ZBTB20: variants seen among roughly 807,000 people sequenced by gnomAD.
ZBTB20 encodes the protein zinc finger and BTB domain-containing protein 20.
ZBTB20 carries 9 observed loss-of-function variants against 56.9 expected under a neutral mutation model. The observed-to-expected ratio is 0.16, with a 90% CI of 0.10 to 0.28. The LOEUF (loss-of-function observed/expected upper bound fraction) is 0.28. Among genes scored for constraint, ZBTB20 ranks in the 10% least tolerant of loss-of-function variants. ZBTB20 has a pLI of 1.00. For missense variants in ZBTB20, 655 were observed against 1,003.0 expected (o/e 0.65, Z 4.69); for synonymous variants, 417 against 420.7 (o/e 0.99, Z 0.11).
chr3:114,772,415 C>T (rs1054501695), intron 5 of ZBTB20, among the ~76,000 whole-genome samples: 7 of 151,990 alleles, frequency 4.6e-5, no homozygotes, highest in Non-Finnish European at 8.8e-5. Context: ...ACTTCCTTTT[C>T]CCAGCTGGGC....
At chr3:114,464,331 G>A (rs1003617395) in intron 7 of ZBTB20, among the ~76,000 whole-genome samples, 2 of 152,128 alleles carry the variant, frequency 1.3e-5, no homozygotes. Flanking sequence ...AATTATAGAA[G>A]TGAATAGAAA....
intron 4 of ZBTB20, among the ~76,000 whole-genome samples, chr3:114,860,563 CA>C (rs1397106923): frequency 6.6e-6 from 1 of 152,176 alleles, no homozygotes; most frequent in Non-Finnish European, 1.5e-5. Flanking sequence ...AGATAGCCCT[CA>C]TACTCAATGC....
intron 6 of ZBTB20, among the ~76,000 whole-genome samples, chr3:114,545,211 A>G (rs2049728846): frequency 1.3e-5 from 2 of 152,218 alleles, no homozygotes; most frequent in South Asian, 4.1e-4. Context: ...ACCAGAGAAG[A>G]ATGATTTATG....
At chr3:114,622,437 A>G (rs2058383820) in intron 6 of ZBTB20, among the ~76,000 whole-genome samples, 1 of 152,208 alleles carries the variant, frequency 6.6e-6, no homozygotes, top group Non-Finnish European at 1.5e-5. Flanking sequence ...AACTTTTACC[A>G]TACTAGCCCT....
At chr3:114,508,756 A>G (rs1173268314) in intron 6 of ZBTB20, among the ~76,000 whole-genome samples, 1 of 152,136 alleles carries the variant, frequency 6.6e-6, no homozygotes, top group East Asian at 1.9e-4. Context: ...TTTGCAACCC[A>G]TTATTTCCAT....
chr3:114,422,399 T>C (rs997953559), intron 7 of ZBTB20, among the ~76,000 whole-genome samples: 6 of 152,102 alleles, frequency 3.9e-5, no homozygotes, highest in Non-Finnish European at 8.8e-5. Context: ...AAGTATATTT[T>C]GTGAATATAC....
chr3:114,680,658 C>G (rs1037141497), intron 6 of ZBTB20, among the ~76,000 whole-genome samples: 1 of 152,298 alleles, frequency 6.6e-6, no homozygotes, highest in African/African-American at 2.4e-5. Context: ...AAATTAAAAG[C>G]TGCTTTATGA....
chr3:114,777,578 T>C (rs371664617), intron 5 of ZBTB20, among the ~76,000 whole-genome samples: 3 of 152,216 alleles, frequency 2.0e-5, no homozygotes, highest in East Asian at 3.9e-4. Flanking sequence ...TGGCGATCAT[T>C]AAAAAGTCAG....
intron 6 of ZBTB20, among the ~76,000 whole-genome samples, chr3:114,648,849 T>C: frequency 6.6e-6 from 1 of 152,052 alleles, no homozygotes; most frequent in East Asian, 1.9e-4. Context: ...AAGTAGTGTT[T>C]CCTAAAATGA....
chr3:114,798,630 C>T (rs1157030778), intron 5 of ZBTB20, among the ~76,000 whole-genome samples: 2 of 151,886 alleles, frequency 1.3e-5, no homozygotes, highest in African/African-American at 4.8e-5. Flanking sequence ...TGTGCCCTAC[C>T]CTGTGCCTCA....
At chr3:114,888,180 G>A (rs2076673027) in intron 4 of ZBTB20, among the ~76,000 whole-genome samples, 1 of 152,050 alleles carries the variant, frequency 6.6e-6, no homozygotes, top group Admixed American at 6.6e-5. Context: ...CACTTTGGGA[G>A]GCTGAGGCAG....
In ZBTB20 at chr3:115,029,448, A is replaced by C. The variant is rs187823469; in HGVS notation, c.-507+41771T>G. ...TTAAAATGAAAAATACTAAAAAGAA[A>C]CTTTTATTAGCAGGTTTAAACTGTA... is the stretch of plus-strand genomic sequence containing the variant. On this transcript the variant is annotated intron_variant, in intron 2 of 11. Coordinates refer to ENST00000675478, the MANE Select transcript of ZBTB20 (RefSeq NM_001348800.3). Among the ~76,000 whole-genome samples, 541 of 150,948 alleles carry C rather than the reference A, an allele frequency of 3.6e-3. 3 individuals are homozygous for C. Among genetic ancestry groups the C allele is most frequent in the African/African-American group, 0.012 (514 of 41,454 alleles).
intron 2 of ZBTB20, among the ~76,000 whole-genome samples, chr3:115,066,067 A>G (rs2082196408): frequency 6.6e-6 from 1 of 152,258 alleles, no homozygotes; most frequent in Non-Finnish European, 1.5e-5. Context: ...CATGAAACTC[A>G]TTCCCCTTAT....
At chr3:114,574,698 C>T (rs1453549508) in intron 6 of ZBTB20, among the ~76,000 whole-genome samples, 2 of 152,132 alleles carry the variant, frequency 1.3e-5, no homozygotes, top group East Asian at 1.9e-4. Flanking sequence ...GTCTGTATTC[C>T]AGGTTTCTTT....
At chr3:114,784,412 C>G (rs949768635) in intron 5 of ZBTB20, among the ~76,000 whole-genome samples, 2 of 152,248 alleles carry the variant, frequency 1.3e-5, no homozygotes, top group African/African-American at 4.8e-5. Flanking sequence ...CACCATTGCA[C>G]AAAATACAAT....
chr3:114,922,307 A>G (rs571877201), intron 3 of ZBTB20, among the ~76,000 whole-genome samples: 3 of 152,172 alleles, frequency 2.0e-5, no homozygotes, highest in Non-Finnish European at 4.4e-5. Flanking sequence ...TCTATTAAAC[A>G]TAGTATTGGA....
At chr3:114,817,072 T>C (rs1490501841) in intron 4 of ZBTB20, among the ~76,000 whole-genome samples, 1 of 152,094 alleles carries the variant, frequency 6.6e-6, no homozygotes, top group Non-Finnish European at 1.5e-5. Context: ...GAGGTAAATA[T>C]ACAAAAGGAA....
At chr3:114,360,572 C>T (rs1221474002) in intron 10 of ZBTB20, among the ~76,000 whole-genome samples, 7 of 150,738 alleles carry the variant, frequency 4.6e-5, no homozygotes, top group Non-Finnish European at 7.4e-5. Flanking sequence ...AGGCTGGTCT[C>T]GAACTCCTTA....
intron 2 of ZBTB20, among the ~76,000 whole-genome samples, chr3:115,025,024 A>G (rs531488149): frequency 2.0e-5 from 3 of 151,248 alleles, no homozygotes; most frequent in Middle Eastern, 3.4e-3. Flanking sequence ...GGTCTGTTGT[A>G]CAGATTATTT....
Sources: gnomAD v4.1 joint callset for allele counts (sites outside exome capture counted in the v4.1 genomes callset) on GRCh38, gnomAD v4.1.1 for gene constraint, MANE v1.5 for transcripts, NCBI Gene and HGNC (gene_info 2026-07-23, HGNC 2026-07-21) for gene names.